The following ABCC9 variants were observed in gnomAD, a reference collection of about 807,000 sequenced individuals.
The protein encoded by ABCC9 is ATP-binding cassette sub-family C member 9.
Under a neutral mutation model 188.3 loss-of-function variants are expected in ABCC9, and 95 were observed. The ratio of observed to expected loss-of-function variants is 0.50; its 90% CI spans 0.43 to 0.60. The LOEUF is 0.60. Ranked by LOEUF, ABCC9 falls within the 20% of genes least tolerant of loss-of-function variation. The pLI is 0.00. For synonymous variants in ABCC9, 659 were observed against 652.7 expected (o/e 1.01, Z -0.15); for missense variants, 1,102 against 1,876.3 (o/e 0.59, Z 7.62).
intron 12 of ABCC9, among the ~76,000 whole-genome samples, chr12:21,899,508 G>A (rs1350916218): frequency 2.6e-5 from 4 of 152,142 alleles, no homozygotes; most frequent in African/African-American, 4.8e-5. Flanking sequence ...AAAGCAGGGC[G>A]AGGCATCGCC....
intron 10 of ABCC9, among the ~76,000 whole-genome samples, chr12:21,909,236 T>A (rs866886717): frequency 2.6e-5 from 4 of 152,124 alleles, no homozygotes; most frequent in Middle Eastern, 3.4e-3. Context: ...ACATCTCAAA[T>A]CCTACTTTGT....
chr12:21,887,835 G>GTGC lies in ABCC9; in HGVS notation c.1899_1901dup (p.Lys633_His634insGln), dbSNP rs1565449096. The GTGC allele has an allele frequency of 6.2e-7, 1 of 1,610,386 alleles. No individual in the cohort carries two copies. Among genetic ancestry groups the GTGC allele is most frequent in the Non-Finnish European group, 8.5e-7 (1 of 1,176,742 alleles). The stretch of plus-strand genomic sequence containing the variant: ...AAAATAAAGCACTTACAACTCCAGT[G>GTGC]TGCTTCTTACAGGACTCAAAAGGAA... On this transcript the variant is annotated inframe_insertion, in exon 15 of 40. Transcript: ENST00000261200.
At chr12:21,813,220 T>C (rs1942381173) in intron 35 of ABCC9, among the ~76,000 whole-genome samples, 1 of 152,208 alleles carries the variant, frequency 6.6e-6, no homozygotes, top group Non-Finnish European at 1.5e-5. Context: ...CTATCAAGTT[T>C]TAATAAATTT....
chr12:21,834,315 T>C (rs1280411814), intron 30 of ABCC9, among the ~76,000 whole-genome samples: 1 of 152,200 alleles, frequency 6.6e-6, no homozygotes, highest in Admixed American at 6.6e-5. Flanking sequence ...GAAGATGGGT[T>C]CTGCCCTATT....
Position 21,875,726 on chromosome 12 carries a change from C to T in ABCC9, c.2020G>A (p.Val674Ile), listed in dbSNP as rs1459083285. Residue 674 changes from valine to isoleucine, a missense_variant and splice_region_variant, in exon 17 of 40, where the codon GTC (valine) becomes ATC (isoleucine). Physicochemically the swap from Val to Ile is conservative, Grantham distance 29 (BLOSUM62 3). This residue lies in a region of ABCC9 where 258 missense variants were observed against 325.6 expected (regional missense o/e 0.79). Transcript: ENST00000261200. ...PAETEDIAIKVTNGYFSWGSG... is the reference protein window; with the variant it reads ...PAETEDIAIKITNGYFSWGSG... Reference sequence around the variant, plus strand: ...CCCCATGAAAAGTATCCATTTGTGACCTACAAAATAAAAATACAGAAATTA... The same window carrying T: ...CCCCATGAAAAGTATCCATTTGTGATCTACAAAATAAAAATACAGAAATTA... 2 of 1,604,350 alleles carry T rather than the reference C, an allele frequency of 1.2e-6. No homozygotes were observed. Among genetic ancestry groups the T allele is most frequent in the East Asian group, 2.2e-5 (1 of 44,784 alleles).
rs1036498388 is a variant in ABCC9, at chr12:21,875,802, A to G, written c.2020-76T>C. The G allele has an allele frequency of 7.8e-6, 10 of 1,283,058 alleles. No homozygotes were observed. In the African/African-American group the frequency reaches 1.2e-4, roughly 15 times the overall value. The allele number at this position is 1,283,058 out of a possible 1,614,324, so 79.5% of individuals were successfully genotyped here. On this transcript the variant is annotated intron_variant, in intron 16 of 39. Coordinates refer to ENST00000261200, the MANE Select transcript of ABCC9 (RefSeq NM_020297.4). Reference sequence around the variant, plus strand: ...AATTCTAATTAAAATAATAATTTGTAGGCCAGGCGCAGTGGCTCATGCCTG... The same window carrying G: ...AATTCTAATTAAAATAATAATTTGTGGGCCAGGCGCAGTGGCTCATGCCTG...
At chr12:21,877,056 T>C (rs993626167) in intron 16 of ABCC9, among the ~76,000 whole-genome samples, 7 of 152,198 alleles carry the variant, frequency 4.6e-5, no homozygotes, top group Non-Finnish European at 1.5e-5. Context: ...GGATTCGAAT[T>C]ACTGATTGCT....
At position 21,818,510 on chromosome 12, in the gene ABCC9, A is replaced by G. The variant is rs532483811; in HGVS notation, c.3670-259T>C. Among the ~76,000 whole-genome samples, 13 of 135,030 alleles carry G rather than the reference A, an allele frequency of 9.6e-5. No homozygotes were observed. The South Asian group carries it at 9.8e-4, about 10-fold the overall frequency. The allele number at this position is 135,030 out of a possible 152,430, so 88.6% of individuals were successfully genotyped here. A position where few individuals can be genotyped will look rare whatever the true frequency, so the allele number is the denominator to read the frequency against. ...TCTATATATATATCTATATATAACT[A>G]TATAGATATATATATATGTGTGTGT... On this transcript the variant is annotated intron_variant, in intron 31 of 39. Coordinates refer to ENST00000261200, the MANE Select transcript of ABCC9 (RefSeq NM_020297.4).
intron 22 of ABCC9, among the ~76,000 whole-genome samples, chr12:21,854,191 T>C (rs980749728): frequency 1.3e-5 from 2 of 152,232 alleles, no homozygotes; most frequent in Non-Finnish European, 2.9e-5. Context: ...AATTGCTATT[T>C]AGAGAGAAAC....
At chr12:21,928,068 A>T (rs1358010621) in intron 4 of ABCC9, among the ~76,000 whole-genome samples, 1 of 151,822 alleles carries the variant, frequency 6.6e-6, no homozygotes, top group Non-Finnish European at 1.5e-5. Context: ...AAAAATACAA[A>T]AATTAGCCAT....
intron 39 of ABCC9, among the ~76,000 whole-genome samples, chr12:21,801,515 A>G (rs1302444785): frequency 6.6e-6 from 1 of 152,202 alleles, no homozygotes; most frequent in Non-Finnish European, 1.5e-5. Flanking sequence ...ATTGTAAACC[A>G]GTTGGGTTAT....
intron 38 of ABCC9, among the ~76,000 whole-genome samples, chr12:21,806,530 A>G (rs1941859715): frequency 6.6e-6 from 1 of 152,218 alleles, no homozygotes; most frequent in Non-Finnish European, 1.5e-5. Context: ...TTATAATTAT[A>G]TTTTAAAGGC....
At chr12:21,878,886 T>G (rs139306254) in intron 16 of ABCC9, among the ~76,000 whole-genome samples, 1 of 152,260 alleles carries the variant, frequency 6.6e-6, no homozygotes, top group African/African-American at 2.4e-5. Context: ...TTTTACAAAA[T>G]GCACTAAATT....
intron 2 of ABCC9, among the ~76,000 whole-genome samples, chr12:21,937,207 G>A (rs1184920091): frequency 6.6e-6 from 1 of 152,124 alleles, no homozygotes; most frequent in Non-Finnish European, 1.5e-5. Context: ...TGTGCCTGCA[G>A]TAATGGCTAA....
intron 7 of ABCC9, among the ~76,000 whole-genome samples, chr12:21,915,272 G>GTGTATATATATACATGTGTA: frequency 7.1e-5 from 1 of 14,054 alleles, no homozygotes; most frequent in Non-Finnish European, 2.4e-4. Context: ...TATATAATGT[G>GTGTATATATATACATGTGTA]TATATATATG....
chr12:21,820,367 TCATC>T (rs1942967285), intron 31 of ABCC9, among the ~76,000 whole-genome samples: 1 of 152,086 alleles, frequency 6.6e-6, no homozygotes, highest in Admixed American at 6.6e-5. Flanking sequence ...CCAGCTGACT[TCATC>T]CATCCATTCA....
At chr12:21,847,655 C>T (rs1310272102) in intron 25 of ABCC9, among the ~76,000 whole-genome samples, 2 of 150,128 alleles carry the variant, frequency 1.3e-5, no homozygotes, top group Non-Finnish European at 3.0e-5. Flanking sequence ...TATACTTTAT[C>T]AGATCTGGAA....
chr12:21,847,686 CATTCTAAT>C (rs1182175785), intron 25 of ABCC9, among the ~76,000 whole-genome samples: 1 of 103,768 alleles, frequency 9.6e-6, no homozygotes, highest in African/African-American at 4.3e-5. Flanking sequence ...TAACAAATGG[CATTCTAAT>C]TTTCTTATCC....
At chr12:21,805,967 AG>A in intron 39 of ABCC9, 30 bp downstream of exon 39, 1 of 1,606,592 alleles carries the variant, frequency 6.2e-7, no homozygotes, top group Non-Finnish European at 8.5e-7. Context: ...AAAACCAAAG[AG>A]GTATACCAAC....
Sources: gnomAD v4.1 joint callset for allele counts (sites outside exome capture counted in the v4.1 genomes callset) on GRCh38, gnomAD v4.1.1 for gene constraint, gnomAD v4.1.1 regional missense constraint, MANE v1.5 for transcripts, NCBI Gene and HGNC (gene_info 2026-07-23, HGNC 2026-07-21) for gene names.